The following GOLGA1 variants were observed in gnomAD, a reference collection of about 807,000 sequenced individuals.
GOLGA1 encodes the protein golgin A1.
In GOLGA1, 63 loss-of-function variants were observed where a neutral mutation model predicts 119.7. The observed-to-expected ratio is 0.53, with a 90% CI of 0.43 to 0.65. The LOEUF is 0.65. GOLGA1 is among the 30% of genes least tolerant of loss of function. The pLI is 0.00. For synonymous variants in GOLGA1, 318 were observed against 333.4 expected (o/e 0.95, Z 0.50); for missense variants, 798 against 912.8 (o/e 0.87, Z 1.62).
At chr9:124,916,120 A>AATAAATAAATAC (rs1830438365) in intron 10 of GOLGA1, among the ~76,000 whole-genome samples, 2 of 151,050 alleles carry the variant, frequency 1.3e-5, no homozygotes, top group African/African-American at 4.8e-5. Flanking sequence ...TAAATAAATA[A>AATAAATAAATAC]ATAAATAAAT....
In GOLGA1 at chr9:124,920,823, C is replaced by T. The variant is rs1044388027; in HGVS notation, c.843+306G>A. ...GTGGCGGGCGCCTATAATACCTGGG[C>T]GACAAGAGCAAGACTCTGTCCCAAA... On this transcript the variant is annotated intron_variant, in intron 10 of 22. Transcript: ENST00000373555. Among the ~76,000 whole-genome samples, 7 of 133,948 alleles carry T rather than the reference C, an allele frequency of 5.2e-5. No homozygotes were observed. The East Asian group carries it at 6.3e-4, about 12-fold the overall frequency. 87.9% of individuals were successfully genotyped at this position (133,948 alleles called of 152,430 possible). A position where few individuals can be genotyped will look rare whatever the true frequency, so the allele number is the denominator to read the frequency against.
rs977615722 is a variant in GOLGA1 at position 124,928,085 on chromosome 9, C to T, written c.399+103G>A. 10 of 545,462 alleles carry T rather than the reference C, an allele frequency of 1.8e-5. No individual in the cohort carries two copies. In the African/African-American group the frequency reaches 2.0e-4, roughly 11 times the overall value. The allele number at this position is 545,462 out of a possible 1,614,324, so 33.8% of individuals were successfully genotyped here. A position where few individuals can be genotyped will look rare whatever the true frequency, so the allele number is the denominator to read the frequency against. Reference sequence around the variant, plus strand: ...AACGAACTTTTAACATTTCTCTTCTCCTAGGCTATAAATATTTTCTATAGG... The same window carrying T: ...AACGAACTTTTAACATTTCTCTTCTTCTAGGCTATAAATATTTTCTATAGG... On this transcript the variant is annotated intron_variant, in intron 6 of 22. Transcript: ENST00000373555.
intron 7 of GOLGA1, 109 bp downstream of exon 7, chr9:124,926,600 G>T: frequency 2.5e-6 from 2 of 789,092 alleles, no homozygotes; most frequent in Non-Finnish European, 4.6e-6. Flanking sequence ...AAACTGTCCT[G>T]CTTCCAAGAG....
chr9:124,881,826 A>G lies in GOLGA1; in HGVS notation c.2094T>C (p.Leu698=), dbSNP rs1829589817. The G allele has an allele frequency of 6.2e-7, 1 of 1,612,682 alleles. No individual in the cohort carries two copies. Among genetic ancestry groups the G allele is most frequent in the Non-Finnish European group, 8.5e-7 (1 of 1,179,374 alleles). ...TDAREINFEY[L]KHVVLKFMSC... is the part of the protein sequence containing the mutation. ...ACATGAATTTTAAAACCACATGTTT[A>G]AGGTACTCAAAGTTGATCTCGCGGG... Residue 698 remains leucine (L), a synonymous_variant, in exon 21 of 23, where the codon CTT becomes CTC. Transcript: ENST00000373555. This position sits in a 1 kb window ranked among gnomAD's most constrained non-coding sequence, Gnocchi z 4.9.
chr9:124,899,553 G>T, intron 13 of GOLGA1, 75 bp from the exon 14 acceptor site: 1 of 1,376,530 alleles, frequency 7.3e-7, no homozygotes, highest in Non-Finnish European at 9.9e-7. Flanking sequence ...GGCCCTAGGT[G>T]AGAAGATGAG....
chr9:124,888,514 G>C lies in GOLGA1; in HGVS notation c.1762-118C>G. 1.2e-6 allele frequency: 1 copy of C among 838,476 alleles called. No homozygotes were observed. The highest frequency in any genetic ancestry group is 1.9e-6 in the Non-Finnish European group (1 of 518,348). 51.9% of individuals were successfully genotyped at this position (838,476 alleles called of 1,614,324 possible). The stretch of plus-strand genomic sequence containing the variant: ...AGGTATGGGCGTTGTGCTCCAACAG[G>C]CAACTGGCCAGGAAGCAATTCCTGG... On this transcript the variant is annotated intron_variant, in intron 18 of 22. Coordinates refer to ENST00000373555, the MANE Select transcript of GOLGA1 (RefSeq NM_002077.4). The surrounding 1 kb of genome is among the most constrained non-coding windows in gnomAD (Gnocchi z 4.4).
chr9:124,888,750 G>C lies in GOLGA1; in HGVS notation c.1762-354C>G, dbSNP rs1405338270. On this transcript the variant is annotated intron_variant, in intron 18 of 22. Coordinates refer to ENST00000373555, the MANE Select transcript of GOLGA1 (RefSeq NM_002077.4). The surrounding 1 kb of genome is among the most constrained non-coding windows in gnomAD (Gnocchi z 4.4). ...GAGTCTTGCTCTGTCACCCAGGCTG[G>C]AGTGCAGTGGCGCAATCTCGGCTCC... Among the ~76,000 whole-genome samples, 1 of 152,134 alleles carries C rather than the reference G, an allele frequency of 6.6e-6. No homozygotes were observed.
intron 6 of GOLGA1, among the ~76,000 whole-genome samples, chr9:124,927,019 G>GT (rs2131508983): frequency 6.6e-6 from 1 of 152,306 alleles, no homozygotes; most frequent in East Asian, 1.9e-4. Flanking sequence ...AAGAAAAGCT[G>GT]TATCTGCTGT....
intron 15 of GOLGA1, among the ~76,000 whole-genome samples, chr9:124,891,665 A>G (rs553092854): frequency 3.3e-5 from 5 of 150,860 alleles, no homozygotes; most frequent in Non-Finnish European, 7.4e-5. Flanking sequence ...CTTTTTTGAG[A>G]TGGAGCTTCT....
chr9:124,922,249 A>G (rs1364214089), intron 8 of GOLGA1, among the ~76,000 whole-genome samples: 1 of 150,062 alleles, frequency 6.7e-6, no homozygotes, highest in Non-Finnish European at 1.5e-5. Flanking sequence ...AGAAGTAAAA[A>G]AGAAAAATAC....
intron 19 of GOLGA1, among the ~76,000 whole-genome samples, chr9:124,885,621 T>C (rs1588055287): frequency 6.6e-6 from 1 of 150,604 alleles, no homozygotes; most frequent in Non-Finnish European, 1.5e-5. Flanking sequence ...ATAAAGAAAG[T>C]GAGGATGACC....
chr9:124,882,052 G>A (rs1027198000), intron 20 of GOLGA1, 98 bp from the exon 21 acceptor site: 13 of 906,314 alleles, frequency 1.4e-5, no homozygotes, highest in South Asian at 3.6e-5. Flanking sequence ...GATCACTATC[G>A]TAGGGCAAAA....
chr9:124,914,239 T>C (rs1431507996), intron 10 of GOLGA1, among the ~76,000 whole-genome samples: 3 of 152,234 alleles, frequency 2.0e-5, no homozygotes, highest in African/African-American at 7.2e-5. Flanking sequence ...GGCTCACGCC[T>C]GTAATCCCAG....
At chr9:124,922,708 T>C (rs1171053108) in intron 8 of GOLGA1, among the ~76,000 whole-genome samples, 1 of 151,894 alleles carries the variant, frequency 6.6e-6, no homozygotes, top group Non-Finnish European at 1.5e-5. Context: ...GAGGCTGCAG[T>C]GTGCTATGAT....
chr9:124,924,636 C>CAA (rs71374206), intron 7 of GOLGA1, among the ~76,000 whole-genome samples: 13,402 of 108,136 alleles, frequency 0.12, 861 homozygotes, highest in Non-Finnish European at 0.16. Flanking sequence ...GACCCTGTCT[C>CAA]AAAAAAAAAA....
chr9:124,882,640 GA>G, intron 19 of GOLGA1, 71 bp from the exon 20 acceptor site: 2 of 1,174,340 alleles, frequency 1.7e-6, no homozygotes. Flanking sequence ...CAGACCCGAA[GA>G]TCCCACGGGA....
rs75751602 is a variant in GOLGA1, at chr9:124,920,954, T to C, written c.843+175A>G. 4.8e-3 allele frequency among the ~76,000 whole-genome samples: 729 copies of C among 152,196 alleles called. 6 individuals are homozygous for C. The highest frequency in any genetic ancestry group is 0.016 in the African/African-American group (678 of 41,526). ...ACTGACTACTTCTGCTAAGCAACCC[T>C]TGTTCAGCTGTATGGCCATTTCCAT... is the stretch of plus-strand genomic sequence containing the variant. On this transcript the variant is annotated intron_variant, in intron 10 of 22. Transcript: ENST00000373555.
chr9:124,941,966 AAACT>A (rs1388369285), upstream of GOLGA1, among the ~76,000 whole-genome samples: 4 of 152,046 alleles, frequency 2.6e-5, no homozygotes, highest in Non-Finnish European at 5.9e-5. Context: ...AAAAGAGGAA[AAACT>A]ATCTTGTTCC....
intron 7 of GOLGA1, among the ~76,000 whole-genome samples, chr9:124,924,266 C>A (rs1345445708): frequency 1.3e-5 from 2 of 152,022 alleles, no homozygotes; most frequent in Non-Finnish European, 2.9e-5. Flanking sequence ...AAAAGTAGAA[C>A]TGATTTCAGT....
Sources: gnomAD v4.1 joint callset for allele counts (sites outside exome capture counted in the v4.1 genomes callset) on GRCh38, gnomAD v4.1.1 for gene constraint, Gnocchi (gnomAD v3.1) non-coding constraint, MANE v1.5 for transcripts, NCBI Gene and HGNC (gene_info 2026-07-23, HGNC 2026-07-21) for gene names.